EXOC4: variants seen among roughly 807,000 people sequenced by gnomAD.
The protein encoded by EXOC4 is exocyst complex component 4, also known as SEC8-like 1.
In EXOC4, 71 loss-of-function variants were observed where a neutral mutation model predicts 107.2. The observed-to-expected ratio is 0.66, with a 90% CI of 0.55 to 0.81. EXOC4 has a LOEUF of 0.81. EXOC4 is among the 30% of genes least tolerant of loss of function. EXOC4 has a pLI of 0.00. For missense variants in EXOC4, 1,108 were observed against 1,189.6 expected (o/e 0.93, Z 1.01); for synonymous variants, 456 against 441.2 (o/e 1.03, Z -0.42).
chr7:133,661,263 A>G (rs1351074193), intron 10 of EXOC4, among the ~76,000 whole-genome samples: 3 of 152,128 alleles, frequency 2.0e-5, no homozygotes, highest in Non-Finnish European at 1.5e-5. Flanking sequence ...TAACTGCTTA[A>G]AGAACTGCCT....
chr7:133,771,634 A>G (rs1442081768), intron 10 of EXOC4: 1 of 152,000 alleles, frequency 6.6e-6, no homozygotes, highest in African/African-American at 2.4e-5. Flanking sequence ...AGTAATTTTC[A>G]TGGTTGTTTA....
At chr7:133,600,360 T>A (rs1376605415) in intron 9 of EXOC4, among the ~76,000 whole-genome samples, 1 of 152,214 alleles carries the variant, frequency 6.6e-6, no homozygotes, top group Non-Finnish European at 1.5e-5. Context: ...TCATAATACT[T>A]TGAGGCTCAG....
At chr7:133,977,875 G>T (rs1793880388) in intron 14 of EXOC4, among the ~76,000 whole-genome samples, 1 of 152,120 alleles carries the variant, frequency 6.6e-6, no homozygotes, top group Non-Finnish European at 1.5e-5. Flanking sequence ...AGCAGGGAAG[G>T]CAAGATGGAG....
At chr7:133,595,874 G>A (rs993220903) in intron 9 of EXOC4, among the ~76,000 whole-genome samples, 3 of 152,062 alleles carry the variant, frequency 2.0e-5, no homozygotes, top group Non-Finnish European at 2.9e-5. Context: ...TAGTATCTCC[G>A]CCTGTATCTA....
chr7:133,941,256 C>G (rs1218328499), intron 14 of EXOC4, among the ~76,000 whole-genome samples: 2 of 152,050 alleles, frequency 1.3e-5, no homozygotes, highest in East Asian at 3.9e-4. Flanking sequence ...CTCGGCCTCC[C>G]AAAGTGCTGG....
chr7:133,700,265 A>G (rs540792051), intron 10 of EXOC4, among the ~76,000 whole-genome samples: 1 of 152,348 alleles, frequency 6.6e-6, no homozygotes, highest in East Asian at 1.9e-4. Context: ...TTACAGTTAT[A>G]TGTTAACAGA....
intron 10 of EXOC4, among the ~76,000 whole-genome samples, chr7:133,657,403 T>C (rs1803324985): frequency 6.6e-6 from 1 of 152,212 alleles, no homozygotes; most frequent in Non-Finnish European, 1.5e-5. Flanking sequence ...ACTCCCTTGA[T>C]AGATACAATT....
At chr7:133,550,908 G>T in intron 9 of EXOC4, among the ~76,000 whole-genome samples, 1 of 151,752 alleles carries the variant, frequency 6.6e-6, no homozygotes, top group East Asian at 1.9e-4. Flanking sequence ...AGATACTCTA[G>T]GTGGGCCCAA....
intron 9 of EXOC4, among the ~76,000 whole-genome samples, chr7:133,575,862 A>T (rs1192866894): frequency 6.6e-6 from 1 of 152,086 alleles, no homozygotes; most frequent in Non-Finnish European, 1.5e-5. Context: ...CTGTTTTTGC[A>T]TTCCTCAGTT....
At chr7:133,544,676 G>C (rs1800445701) in intron 9 of EXOC4, among the ~76,000 whole-genome samples, 1 of 151,982 alleles carries the variant, frequency 6.6e-6, no homozygotes, top group Non-Finnish European at 1.5e-5. Flanking sequence ...ATGTTAGTAA[G>C]TTTGTTAGAT....
intron 1 of EXOC4, among the ~76,000 whole-genome samples, chr7:133,267,301 G>A (rs1793752940): frequency 6.6e-6 from 1 of 152,064 alleles, no homozygotes; most frequent in African/African-American, 2.4e-5. Flanking sequence ...GCCTGGTCTG[G>A]CTCCCAGTTT....
At chr7:133,703,760 A>G (rs184461530) in intron 10 of EXOC4, among the ~76,000 whole-genome samples, 80 of 152,286 alleles carry the variant, frequency 5.3e-4, no homozygotes, top group African/African-American at 1.9e-3. Context: ...GAGCTGTCTC[A>G]TCAGCTGTGG....
At chr7:133,872,126 G>A (rs1320527488) in intron 11 of EXOC4, among the ~76,000 whole-genome samples, 1 of 152,094 alleles carries the variant, frequency 6.6e-6, no homozygotes, top group East Asian at 1.9e-4. Context: ...TGGAGGAAAG[G>A]TGGGGATCAG....
At chr7:133,957,199 TGGATTG>T (rs1009524799) in intron 14 of EXOC4, among the ~76,000 whole-genome samples, 48 of 152,356 alleles carry the variant, frequency 3.2e-4, no homozygotes, top group African/African-American at 1.1e-3. Flanking sequence ...TCTCATTGAA[TGGATTG>T]TTCACAGTGA....
At chr7:133,427,296 C>T (rs770449986) in intron 7 of EXOC4, among the ~76,000 whole-genome samples, 8 of 152,106 alleles carry the variant, frequency 5.3e-5, no homozygotes, top group Non-Finnish European at 1.2e-4. Context: ...ATCCACAGCT[C>T]TACTAGGTTA....
chr7:133,722,794 T>G (rs1472816356), intron 10 of EXOC4, among the ~76,000 whole-genome samples: 1 of 152,232 alleles, frequency 6.6e-6, no homozygotes, highest in African/African-American at 2.4e-5. Context: ...TGTTGCATTT[T>G]TAAACAAGCA....
At chr7:133,661,696 A>AAAAAAAC (rs1562896905) in intron 10 of EXOC4, among the ~76,000 whole-genome samples, 4 of 149,462 alleles carry the variant, frequency 2.7e-5, no homozygotes, top group Admixed American at 6.7e-5. Context: ...AAACAAAAAA[A>AAAAAAAC]AAAAAAACAA....
At chr7:133,969,901 C>A (rs1032167923) in intron 14 of EXOC4, among the ~76,000 whole-genome samples, 1 of 152,218 alleles carries the variant, frequency 6.6e-6, no homozygotes, top group African/African-American at 2.4e-5. Flanking sequence ...TCAGAGCTGG[C>A]AGGCAGGAAC....
chr7:133,530,772 G>GTTT (rs1222394443), intron 9 of EXOC4, among the ~76,000 whole-genome samples: 6 of 152,148 alleles, frequency 3.9e-5, no homozygotes, highest in Admixed American at 2.6e-4. Context: ...AAAAAGGAAA[G>GTTT]TTAAAGCAGT....
Sources: allele counts gnomAD v4.1 joint callset (sites outside exome capture counted in the v4.1 genomes callset), GRCh38; gene constraint gnomAD v4.1.1; transcripts MANE v1.5; gene names NCBI Gene and HGNC (gene_info 2026-07-23, HGNC 2026-07-21).